GSN: variants seen among roughly 807,000 people sequenced by gnomAD.
GSN encodes the protein actin-depolymerizing factor.
Under a neutral mutation model 85.7 loss-of-function variants are expected in GSN, and 56 were observed. The ratio of observed to expected loss-of-function variants is 0.65; its 90% CI spans 0.53 to 0.82. The LOEUF is 0.82. Ranked by LOEUF, GSN falls within the 40% of genes least tolerant of loss-of-function variation. The pLI, the probability that GSN is intolerant of heterozygous loss-of-function variation, is 0.00. For missense variants in GSN, 857 were observed against 979.8 expected (o/e 0.87, Z 1.67); for synonymous variants, 373 against 399.1 (o/e 0.93, Z 0.78).
chr9:121,297,735 G>C (rs1344738251), intron 2 of GSN: 1 of 152,172 alleles, frequency 6.6e-6, no homozygotes, highest in Non-Finnish European at 1.5e-5. Flanking sequence ...AGTGTCTATT[G>C]TAATGGTGGC....
intron 12 of GSN, among the ~76,000 whole-genome samples, chr9:121,325,190 CAT>C (rs2063003500): frequency 6.6e-6 from 1 of 152,170 alleles, no homozygotes; most frequent in South Asian, 2.1e-4. Flanking sequence ...TCATGCCTGC[CAT>C]ATAAGAAGTG....
chr9:121,230,824 T>A (rs1374497087), intron 4 of GSN, among the ~76,000 whole-genome samples: 1 of 152,184 alleles, frequency 6.6e-6, no homozygotes, highest in Non-Finnish European at 1.5e-5. Flanking sequence ...ATTCAGTGGG[T>A]TAATGTGATA....
intron 1 of GSN, among the ~76,000 whole-genome samples, chr9:121,279,032 C>G (rs897742605): frequency 3.3e-5 from 5 of 152,142 alleles, no homozygotes; most frequent in African/African-American, 1.2e-4. Flanking sequence ...TGGTCCCAGC[C>G]CTAGGCCAGG....
intron 10 of GSN, among the ~76,000 whole-genome samples, chr9:121,319,435 G>A (rs1460982311): frequency 6.6e-6 from 1 of 151,984 alleles, no homozygotes; most frequent in Non-Finnish European, 1.5e-5. Flanking sequence ...CTAGTGAGGG[G>A]TTTTTCTTTT....
intron 10 of GSN, among the ~76,000 whole-genome samples, chr9:121,319,931 C>T (rs1005801894): frequency 2.6e-5 from 4 of 152,062 alleles, no homozygotes; most frequent in Non-Finnish European, 5.9e-5. Context: ...ATAGGAATAA[C>T]AAAGTGTTCA....
rs918362584 is a variant in GSN at position 121,303,179 on chromosome 9, T to C, written c.351+114T>C. ...ATGCAGTGGGCAGACCGATCAGAGG[T>C]CAGGCTTTGGAGTCAACCAACATTG... On this transcript the variant is annotated intron_variant, in intron 4 of 17. Coordinates refer to ENST00000432226, the MANE Select transcript of GSN (RefSeq NM_198252.3). 2.3e-5 allele frequency: 24 copies of C among 1,032,262 alleles called. No individual in the cohort carries two copies. In the African/African-American group the frequency reaches 3.8e-4, roughly 16 times the overall value. The allele number at this position is 1,032,262 out of a possible 1,614,324, so 63.9% of individuals were successfully genotyped here.
At chr9:121,246,539 A>G (rs946838125) in intron 5 of GSN, among the ~76,000 whole-genome samples, 1 of 152,212 alleles carries the variant, frequency 6.6e-6, no homozygotes, top group Non-Finnish European at 1.5e-5. Flanking sequence ...AAACCTTAGC[A>G]TAGTTTAGGC....
rs374093312 is a variant in GSN at position 121,301,912 on chromosome 9, T to A, written c.-9-51T>A. 1.9e-6 allele frequency: 3 copies of A among 1,612,784 alleles called. No homozygotes were observed. In the African/African-American group the frequency reaches 4.0e-5, roughly 22 times the overall value. ...ACCGCCCTCCCTCATGCCTGGGGTC[T>A]CTCCCTGCCAGGACCCTGCCCCGCT... On this transcript the variant is annotated intron_variant, in intron 2 of 17. Transcript: ENST00000432226.
intron 2 of GSN, chr9:121,300,025 C>G: frequency 6.6e-7 from 1 of 1,517,794 alleles, no homozygotes; most frequent in Non-Finnish European, 8.9e-7. Flanking sequence ...CGGGGGGCCC[C>G]GGGGCTCCCG....
chr9:121,276,361 A>G (rs1257690421), intron 1 of GSN, among the ~76,000 whole-genome samples: 1 of 152,216 alleles, frequency 6.6e-6, no homozygotes, highest in Non-Finnish European at 1.5e-5. Context: ...AATGGGCTAC[A>G]TCCTTAGCAT....
intron 4 of GSN, chr9:121,310,287 T>G (rs963907405): frequency 5.2e-5 from 17 of 325,052 alleles, no homozygotes; most frequent in Non-Finnish European, 6.0e-6. Context: ...TTGCAGAATG[T>G]CTTAGGGGAC....
chr9:121,299,278 G>C lies in GSN; in HGVS notation c.-9-2685G>C, dbSNP rs139214746. 8 of 985,116 alleles carry C rather than the reference G, an allele frequency of 8.1e-6. No homozygotes were observed. The highest frequency in any genetic ancestry group is 9.4e-5 in the South Asian group (2 of 21,284). 61.0% of individuals were successfully genotyped at this position (985,116 alleles called of 1,614,324 possible). On this transcript the variant is annotated intron_variant, in intron 2 of 17. Transcript: ENST00000432226. This position sits in a 1 kb window ranked among gnomAD's most constrained non-coding sequence, Gnocchi z 4.2. ...CCGGCTTCACCTGCCCACGGGAGCC[G>C]GGTCCCCTGCCCTGCTGCGGCGCAT...
Position 121,300,127 on chromosome 9 carries a change from G to T in GSN, c.-9-1836G>T, listed in dbSNP as rs373180886. ...AATGGAAAAACTGTTTTGTTGCTTT[G>T]TAAGTATCTCTTGCTGCTTCCGGGG... On this transcript the variant is annotated intron_variant, in intron 2 of 17. Transcript: ENST00000432226. 3.7e-5 allele frequency: 60 copies of T among 1,603,826 alleles called. No individual in the cohort carries two copies. Among genetic ancestry groups the T allele is most frequent in the Non-Finnish European group, 4.9e-5 (57 of 1,170,916 alleles).
intron 4 of GSN, chr9:121,310,291 A>AG (rs1264332503): frequency 6.2e-6 from 2 of 324,650 alleles, no homozygotes; most frequent in Non-Finnish European, 1.2e-5. Flanking sequence ...AGAATGTCTT[A>AG]GGGGACTAGT....
At chr9:121,279,688 G>C (rs2057112820) in intron 1 of GSN, among the ~76,000 whole-genome samples, 1 of 152,132 alleles carries the variant, frequency 6.6e-6, no homozygotes, top group Non-Finnish European at 1.5e-5. Flanking sequence ...GGAGCACATT[G>C]TACTTGGGAA....
rs544675159 is a variant in GSN at position 121,282,300 on chromosome 9, C to T, written c.-10+738C>T. 75 of 602,260 alleles carry T rather than the reference C, an allele frequency of 1.2e-4. 1 individual carries two copies. The South Asian group carries it at 1.7e-3, about 13-fold the overall frequency. 37.3% of individuals were successfully genotyped at this position (602,260 alleles called of 1,614,324 possible). On this transcript the variant is annotated intron_variant, in intron 2 of 17. Transcript: ENST00000432226. ...TGTAGATGCCAAAGGGCTTTGTGAC[C>T]AGTGAGACAGGAAGGATCACTACTA... is the stretch of plus-strand genomic sequence containing the variant.
intron 2 of GSN, 137 bp from the exon 3 acceptor site, chr9:121,301,826 T>C (rs989408879): frequency 8.5e-6 from 12 of 1,409,844 alleles, no homozygotes; most frequent in Non-Finnish European, 8.8e-6. Flanking sequence ...CAGAAGGGGA[T>C]AGACTTCCCT....
chr9:121,283,295 C>CT, intron 2 of GSN: 1 of 148,324 alleles, frequency 6.7e-6, no homozygotes. Flanking sequence ...TTCTTTCTTT[C>CT]TTTTTCTTTT....
At chr9:121,255,384 C>T (rs752976612) in intron 6 of GSN, among the ~76,000 whole-genome samples, 6 of 152,278 alleles carry the variant, frequency 3.9e-5, no homozygotes, top group East Asian at 1.9e-4. Context: ...AGTAGGCGTG[C>T]GCCACGATGC....
Sources: gnomAD v4.1 joint callset for allele counts (sites outside exome capture counted in the v4.1 genomes callset) on GRCh38, gnomAD v4.1.1 for gene constraint, Gnocchi (gnomAD v3.1) non-coding constraint, MANE v1.5 for transcripts, NCBI Gene and HGNC (gene_info 2026-07-23, HGNC 2026-07-21) for gene names.